SHROOM3: variants seen among roughly 807,000 people sequenced by gnomAD.
SHROOM3 encodes the protein protein Shroom3.
SHROOM3 carries 47 observed loss-of-function variants against 138.6 expected under a neutral mutation model. The observed-to-expected ratio is 0.34, with a 90% confidence interval of 0.27 to 0.43. The LOEUF (loss-of-function observed/expected upper bound fraction) is 0.43. Among genes scored for constraint, SHROOM3 ranks in the 20% least tolerant of loss-of-function variants. The pLI, the probability that SHROOM3 is intolerant of heterozygous loss-of-function variation, is 1.00. For synonymous variants in SHROOM3, 1,062 were observed against 1,063.3 expected (o/e 1.00, Z 0.02); for missense variants, 2,491 against 2,596.5 (o/e 0.96, Z 0.88).
At position 76,476,104 on chromosome 4, in the gene SHROOM3, C is replaced by T. The variant is rs146093870; in HGVS notation, c.168+39884C>T. Among the ~76,000 whole-genome samples, 275 of 152,192 alleles carry T rather than the reference C, an allele frequency of 1.8e-3. 4 individuals carry two copies. In the East Asian group the frequency reaches 0.041, roughly 23 times the overall value. ...ACAACACAATGTGAGGGCAATTGTGCCAGCAGAATATGTCTATGATCAGGC... is the reference window on the plus strand; with the variant it reads ...ACAACACAATGTGAGGGCAATTGTGTCAGCAGAATATGTCTATGATCAGGC... On this transcript the variant is annotated intron_variant, in intron 1 of 10. Transcript: ENST00000296043.
chr4:76,538,458 A>G (rs936916686), intron 1 of SHROOM3, among the ~76,000 whole-genome samples: 12 of 152,152 alleles, frequency 7.9e-5, no homozygotes, highest in Non-Finnish European at 1.5e-4. Flanking sequence ...GGTGTCACTA[A>G]GAATGGTGGC....
At chr4:76,692,088 T>C (rs1560592776) in intron 2 of SHROOM3, among the ~76,000 whole-genome samples, 1 of 152,208 alleles carries the variant, frequency 6.6e-6, no homozygotes, top group African/African-American at 2.4e-5. Context: ...TCCTGCAGGA[T>C]CACTGAGAGG....
intron 5 of SHROOM3, among the ~76,000 whole-genome samples, chr4:76,745,699 G>A (rs1721411211): frequency 6.6e-6 from 1 of 152,196 alleles, no homozygotes; most frequent in African/African-American, 2.4e-5. Context: ...AATTAGTCTT[G>A]GCTGGGTGCA....
intron 1 of SHROOM3, among the ~76,000 whole-genome samples, chr4:76,519,509 A>AAGTATATG (rs1212702891): frequency 6.6e-6 from 1 of 152,206 alleles, no homozygotes; most frequent in Non-Finnish European, 1.5e-5. Flanking sequence ...TAAAGCAAGA[A>AAGTATATG]TCAGGAAGAT....
At position 76,664,743 on chromosome 4, in the gene SHROOM3, A is replaced by G. The variant is rs1187991739; in HGVS notation, c.324-45413A>G. On this transcript the variant is annotated intron_variant, in intron 2 of 10. Coordinates refer to ENST00000296043, the MANE Select transcript of SHROOM3 (RefSeq NM_020859.4). This position sits in a 1 kb window ranked among gnomAD's most constrained non-coding sequence, Gnocchi z 4.2. ...TAGTTCAATAAGTTTAAGTATATCA[A>G]AGTTATTGTGCAATGGAGCTTGATA... 1.3e-5 allele frequency among the ~76,000 whole-genome samples: 2 copies of G among 152,246 alleles called. No individual in the cohort carries two copies. The highest frequency in any genetic ancestry group is 4.8e-5 in the African/African-American group (2 of 41,466).
At chr4:76,549,455 G>A (rs1226740511) in intron 1 of SHROOM3, among the ~76,000 whole-genome samples, 1 of 151,782 alleles carries the variant, frequency 6.6e-6, no homozygotes, top group Non-Finnish European at 1.5e-5. Flanking sequence ...TGCAACCTGT[G>A]CCTCCTGGGT....
chr4:76,643,711 TA>T (rs1406915824), intron 2 of SHROOM3, among the ~76,000 whole-genome samples: 1 of 152,252 alleles, frequency 6.6e-6, no homozygotes, highest in Non-Finnish European at 1.5e-5. Flanking sequence ...TTTTCTCATT[TA>T]AAAATTAGTA....
rs376155678 is a variant in SHROOM3 at position 76,754,717 on chromosome 4, G to T, written c.4234G>T (p.Val1412Leu). 45 of 1,614,216 alleles carry T rather than the reference G, an allele frequency of 2.8e-5. No homozygotes were observed. In the African/African-American group the frequency reaches 4.4e-4, roughly 16 times the overall value. The change falls in exon 7 of 11, where the codon GTA becomes TTA. Residue 1412 changes from valine to leucine, a missense_variant. Physicochemically the swap from Val to Leu is conservative, Grantham distance 32. This residue lies in a region of SHROOM3 where 1,733 missense variants were observed against 1,661.6 expected (regional missense o/e 1.04). Coordinates refer to ENST00000296043, the MANE Select transcript of SHROOM3 (RefSeq NM_020859.4). ...TGAGGGCGATGGCCCAGAGCATGGGGTAGAAGAGGGAACGAGGAAGAGGGT... is the reference window on the plus strand; with the variant it reads ...TGAGGGCGATGGCCCAGAGCATGGGTTAGAAGAGGGAACGAGGAAGAGGGT... Reference protein sequence around the residue: ...GCEGDGPEHGVEEGTRKRVSL... With the variant: ...GCEGDGPEHGLEEGTRKRVSL...
At position 76,741,360 on chromosome 4, in the gene SHROOM3, C is replaced by A; in HGVS notation, c.3187C>A (p.Arg1063Ser). ...SVADRRRLFE[R>S]DGKACSTLSL... ...GGCCGACCGGCGCCGTCTCTTCGAGCGCGATGGCAAGGCCTGCTCCACGCT... is the reference window on the plus strand; with the variant it reads ...GGCCGACCGGCGCCGTCTCTTCGAGAGCGATGGCAAGGCCTGCTCCACGCT... The change falls in exon 5 of 11, where the codon CGC becomes AGC. Residue 1063 changes from arginine to serine, a missense_variant. Coordinates refer to ENST00000296043, the MANE Select transcript of SHROOM3 (RefSeq NM_020859.4). The surrounding 1 kb of genome is among the most constrained non-coding windows in gnomAD (Gnocchi z 6.2). 6.2e-7 allele frequency: 1 copy of A among 1,607,882 alleles called. No individual in the cohort carries two copies. Among genetic ancestry groups the A allele is most frequent in the Non-Finnish European group, 8.5e-7 (1 of 1,177,894 alleles).
chr4:76,507,952 A>G (rs1384858684), intron 1 of SHROOM3, among the ~76,000 whole-genome samples: 1 of 152,162 alleles, frequency 6.6e-6, no homozygotes, highest in Non-Finnish European at 1.5e-5. Flanking sequence ...TAAGACTTGT[A>G]TTGTAGATGC....
At chr4:76,761,435 T>A (rs1444251234) in intron 9 of SHROOM3, among the ~76,000 whole-genome samples, 1 of 152,238 alleles carries the variant, frequency 6.6e-6, no homozygotes, top group African/African-American at 2.4e-5. Flanking sequence ...AACACAATGC[T>A]GTACTATCTT....
intron 2 of SHROOM3, among the ~76,000 whole-genome samples, chr4:76,636,981 G>C (rs1170378507): frequency 6.6e-6 from 1 of 152,172 alleles, no homozygotes; most frequent in Non-Finnish European, 1.5e-5. Flanking sequence ...TGATGTTTTT[G>C]TGGCCAGAAA....
At chr4:76,677,770 T>C (rs539204331) in intron 2 of SHROOM3, among the ~76,000 whole-genome samples, 28 of 152,356 alleles carry the variant, frequency 1.8e-4, no homozygotes, top group African/African-American at 6.7e-4. Flanking sequence ...CCCCATCTTA[T>C]CTTTTCGTTT....
intron 2 of SHROOM3, among the ~76,000 whole-genome samples, chr4:76,683,219 A>G (rs997887728): frequency 2.0e-5 from 3 of 151,904 alleles, no homozygotes; most frequent in African/African-American, 4.8e-5. Flanking sequence ...TATGTGTTTT[A>G]TTTTTTAAAA....
At chr4:76,465,728 A>C (rs1366132660) in intron 1 of SHROOM3, among the ~76,000 whole-genome samples, 1 of 152,250 alleles carries the variant, frequency 6.6e-6, no homozygotes, top group Non-Finnish European at 1.5e-5. Context: ...GGACCTAAAC[A>C]GACACAGAAA....
chr4:76,581,547 T>C (rs1734054019), intron 2 of SHROOM3, among the ~76,000 whole-genome samples: 1 of 152,182 alleles, frequency 6.6e-6, no homozygotes, highest in African/African-American at 2.4e-5. Flanking sequence ...CTCATCAAAA[T>C]TGTTAAAGTT....
chr4:76,741,906 G>A lies in SHROOM3; in HGVS notation c.3733G>A (p.Ala1245Thr), dbSNP rs1367251404. 4 of 1,612,304 alleles carry A rather than the reference G, an allele frequency of 2.5e-6. No individual in the cohort carries two copies. The highest frequency in any genetic ancestry group is 3.4e-6 in the Non-Finnish European group (4 of 1,179,938). ...PVHVRSRSSP[A>T]TADKRQDVLL... is the part of the protein sequence containing the mutation. ...CCATGTGAGGTCCAGGTCATCTCCC[G>A]CCACCGCAGACAAGCGCCAGGTACG... The change falls in exon 5 of 11, where the codon GCC (alanine) becomes ACC (threonine). Residue 1245 changes from alanine to threonine, a missense_variant. Around this residue, in one of 4 missense-constraint regions of SHROOM3, gnomAD observed 1,733 missense variants for 1,661.6 expected, o/e 1.04. Transcript: ENST00000296043. This position sits in a 1 kb window ranked among gnomAD's most constrained non-coding sequence, Gnocchi z 6.2.
chr4:76,766,715 A>C (rs1401969875), intron 9 of SHROOM3, among the ~76,000 whole-genome samples: 2 of 152,178 alleles, frequency 1.3e-5, no homozygotes, highest in East Asian at 3.8e-4. Context: ...TGCTGCTGTC[A>C]GTTTCTCAAA....
Position 76,669,186 on chromosome 4 carries a change from C to T in SHROOM3, c.324-40970C>T, listed in dbSNP as rs1266527361. On this transcript the variant is annotated intron_variant, in intron 2 of 10. Transcript: ENST00000296043. The stretch of plus-strand genomic sequence containing the variant: ...CAACAACATAAAAATCCTTGTATAC[C>T]TTGTTCAATTGGAGAATTTTAATGT... Among the ~76,000 whole-genome samples, 6 of 152,190 alleles carry T rather than the reference C, an allele frequency of 3.9e-5. No individual in the cohort carries two copies. The South Asian group carries it at 1.2e-3, about 32-fold the overall frequency.
Sources: allele counts gnomAD v4.1 joint callset (sites outside exome capture counted in the v4.1 genomes callset), GRCh38; gene constraint gnomAD v4.1.1; regional missense constraint gnomAD v4.1.1; non-coding constraint Gnocchi (gnomAD v3.1); transcripts MANE v1.5; gene names NCBI Gene and HGNC (gene_info 2026-07-23, HGNC 2026-07-21).